The following FREM1 variants were observed in gnomAD, a reference collection of about 807,000 sequenced individuals.
FREM1 encodes FRAS1 related extracellular matrix 1.
In FREM1, 220 loss-of-function variants were observed where a neutral mutation model predicts 210.1. That is an observed-to-expected ratio of 1.05 (90% confidence interval 0.94 to 1.17). The LOEUF is 1.17. Ranked by LOEUF, FREM1 falls within the 50% of genes most tolerant of loss-of-function variation. The pLI, the probability that FREM1 is intolerant of heterozygous loss-of-function variation, is 0.00. For synonymous variants in FREM1, 1,189 were observed against 980.2 expected (o/e 1.21, Z -3.98); for missense variants, 3,454 against 2,675.5 (o/e 1.29, Z -6.42).
In FREM1 at chr9:14,851,425, A is replaced by G. The variant is rs1247424194; in HGVS notation, c.1011T>C (p.Thr337=). ...TPKPLLVFNI[T]KAPLQGYVTH... ...TCACATAGCCCTGGAGCGGGGCTTT[A>G]GTAATGTTGAACACCAGCAAGGGTT... The change falls in exon 6 of 37, where the codon ACT becomes ACC. Residue 337 remains threonine (T), a synonymous_variant. Transcript: ENST00000380880. 10 of 1,613,812 alleles carry G rather than the reference A, an allele frequency of 6.2e-6. No individual in the cohort carries two copies. Among genetic ancestry groups the G allele is most frequent in the Non-Finnish European group, 8.5e-6 (10 of 1,179,866 alleles).
In FREM1 at chr9:14,868,996, T is replaced by A; in HGVS notation, c.-19A>T. ...AGTTCATGCTGACAGGGCCCAACTC[T>A]TCTCTGTCCACCGGCGAAATCCCTT... On this transcript the variant is annotated 5_prime_UTR_variant, in exon 2 of 37. The change creates a new upstream start codon in the 5' untranslated region. Transcript: ENST00000380880. 1 of 1,505,076 alleles carries A rather than the reference T, an allele frequency of 6.6e-7. No homozygotes were observed. 93.2% of individuals were successfully genotyped at this position (1,505,076 alleles called of 1,614,324 possible). A position where few individuals can be genotyped will look rare whatever the true frequency, so the allele number is the denominator to read the frequency against.
intron 1 of FREM1, among the ~76,000 whole-genome samples, chr9:14,873,861 T>G (rs879902202): frequency 2.0e-5 from 3 of 152,240 alleles, no homozygotes; most frequent in Non-Finnish European, 4.4e-5. Flanking sequence ...GATTCTGGTA[T>G]GTTTTGTCTT....
In FREM1 at chr9:14,857,523, G is replaced by C. The variant is rs1381492122; in HGVS notation, c.828+30C>G. 3 of 1,566,234 alleles carry C rather than the reference G, an allele frequency of 1.9e-6. No homozygotes were observed. The South Asian group carries it at 3.3e-5, about 17-fold the overall frequency. ...ACTGGCTCTCTTACTGTGAATCCTG[G>C]GGGCACCCACACATAACCCCAAACT... On this transcript the variant is annotated intron_variant, in intron 5 of 36. Transcript: ENST00000380880.
At chr9:14,774,833 G>C (rs1013379576) in intron 25 of FREM1, among the ~76,000 whole-genome samples, 1 of 152,168 alleles carries the variant, frequency 6.6e-6, no homozygotes, top group Non-Finnish European at 1.5e-5. Context: ...GGATCAGAAA[G>C]ACTTGAGGCC....
At position 14,759,754 on chromosome 9, in the gene FREM1, A is replaced by C. The variant is rs748672365; in HGVS notation, c.5334+18T>G. 1 of 1,552,042 alleles carries C rather than the reference A, an allele frequency of 6.4e-7. No individual in the cohort carries two copies. The highest frequency in any genetic ancestry group is 1.9e-5 in the Admixed American group (1 of 52,222). ...AACATAAGTTTTAGCTTGATAATTTACATTTCAGAGTCATTACCTTTATAC... is the reference window on the plus strand; with the variant it reads ...AACATAAGTTTTAGCTTGATAATTTCCATTTCAGAGTCATTACCTTTATAC... On this transcript the variant is annotated intron_variant, in intron 28 of 36. Transcript: ENST00000380880.
intron 1 of FREM1, among the ~76,000 whole-genome samples, chr9:14,896,937 A>G (rs1190599354): frequency 1.3e-5 from 2 of 152,226 alleles, no homozygotes; most frequent in Non-Finnish European, 2.9e-5. Context: ...TTCCTTGCTC[A>G]AGATTAAAAC....
At chr9:14,795,611 G>C (rs1852225029) in intron 21 of FREM1, among the ~76,000 whole-genome samples, 1 of 152,168 alleles carries the variant, frequency 6.6e-6, no homozygotes, top group Non-Finnish European at 1.5e-5. Flanking sequence ...GGTTGAAGGA[G>C]GTTTGATGAT....
At chr9:14,887,694 T>C (rs1459904417) in intron 1 of FREM1, among the ~76,000 whole-genome samples, 1 of 152,186 alleles carries the variant, frequency 6.6e-6, no homozygotes, top group African/African-American at 2.4e-5. Flanking sequence ...TCCTTTCTAC[T>C]TTGCTTATTA....
chr9:14,795,698 C>G (rs904633998), intron 21 of FREM1, among the ~76,000 whole-genome samples: 7 of 152,124 alleles, frequency 4.6e-5, no homozygotes, highest in African/African-American at 1.7e-4. Context: ...GAGTGGGTGC[C>G]TAGTGTAAGC....
intron 25 of FREM1, among the ~76,000 whole-genome samples, chr9:14,772,478 T>C (rs963430651): frequency 3.3e-5 from 5 of 152,178 alleles, no homozygotes; most frequent in Admixed American, 6.5e-5. Context: ...AAAAATAGTA[T>C]ATATAATATC....
chr9:14,767,378 C>T (rs577208677), intron 27 of FREM1, among the ~76,000 whole-genome samples: 1 of 152,244 alleles, frequency 6.6e-6, no homozygotes, highest in Non-Finnish European at 1.5e-5. Context: ...GCCAGATTAG[C>T]ACAGTCCTTA....
intron 27 of FREM1, among the ~76,000 whole-genome samples, chr9:14,763,108 C>G (rs1241093482): frequency 6.6e-6 from 1 of 152,144 alleles, no homozygotes; most frequent in Non-Finnish European, 1.5e-5. Flanking sequence ...TTATGTGTAA[C>G]CCATGTGGCA....
chr9:14,826,098 C>CTTTTT (rs5896650), intron 10 of FREM1, among the ~76,000 whole-genome samples: 15 of 135,526 alleles, frequency 1.1e-4, no homozygotes, highest in African/African-American at 3.1e-4. Context: ...CTTTCTCAAC[C>CTTTTT]TTTTTTTTTT....
intron 1 of FREM1, among the ~76,000 whole-genome samples, chr9:14,889,090 C>G (rs572631214): frequency 1.5e-3 from 232 of 152,224 alleles, no homozygotes; most frequent in Non-Finnish European, 1.6e-3. Context: ...AATCATCTCA[C>G]TGCTACATTG....
intron 23 of FREM1, among the ~76,000 whole-genome samples, chr9:14,785,556 G>A (rs145170825): frequency 6.6e-6 from 1 of 152,148 alleles, no homozygotes; most frequent in Non-Finnish European, 1.5e-5. Flanking sequence ...CAACAGATGA[G>A]TGGATAAACA....
chr9:14,884,891 C>A (rs1835489241), intron 1 of FREM1, among the ~76,000 whole-genome samples: 1 of 140,802 alleles, frequency 7.1e-6, no homozygotes. Context: ...GCATAGTTAT[C>A]AAGATATCAA....
At chr9:14,755,186 G>A (rs560905266) in intron 29 of FREM1, among the ~76,000 whole-genome samples, 138 of 152,280 alleles carry the variant, frequency 9.1e-4, no homozygotes, top group African/African-American at 3.0e-3. Flanking sequence ...GCTACCCACT[G>A]TTTGATGCTG....
intron 14 of FREM1, among the ~76,000 whole-genome samples, 199 bp from the exon 15 acceptor site, chr9:14,817,070 C>T (rs10156422): frequency 0.015 from 2,284 of 152,284 alleles, 25 homozygotes; most frequent in Non-Finnish European, 0.022. Context: ...TAAAATTGCT[C>T]CACCCTGGAA....
chr9:14,768,318 GTTTTT>G (rs59443247), intron 27 of FREM1, among the ~76,000 whole-genome samples: 1 of 134,146 alleles, frequency 7.5e-6, no homozygotes, highest in Non-Finnish European at 1.6e-5. Flanking sequence ...TTTGGAGCAG[GTTTTT>G]TTTTTTTTTT....
Sources: allele counts gnomAD v4.1 joint callset (sites outside exome capture counted in the v4.1 genomes callset), GRCh38; gene constraint gnomAD v4.1.1; transcripts MANE v1.5; gene names NCBI Gene and HGNC (gene_info 2026-07-23, HGNC 2026-07-21).